CSMD1: variants seen among roughly 807,000 people sequenced by gnomAD.
The protein encoded by CSMD1 is CUB and Sushi multiple domains 1.
In CSMD1, 213 loss-of-function variants were observed where a neutral mutation model predicts 417.5. The observed-to-expected ratio is 0.51, with a 90% CI of 0.46 to 0.57. CSMD1 has a LOEUF of 0.57. Among genes scored for constraint, CSMD1 ranks in the 20% least tolerant of loss-of-function variants. CSMD1 has a pLI of 0.00. For synonymous variants in CSMD1, 2,862 were observed against 1,736.8 expected, an observed-to-expected ratio of 1.65 and a Z score of -16.11; for missense variants, 6,923 against 4,529.7, an observed-to-expected ratio of 1.53 and a Z score of -15.17.
At chr8:3,797,811 C>G (rs1000677871) in intron 5 of CSMD1, among the ~76,000 whole-genome samples, 1 of 151,936 alleles carries the variant, frequency 6.6e-6, no homozygotes, top group Non-Finnish European at 1.5e-5. Flanking sequence ...AGGTATATGT[C>G]TGACTTCATA....
chr8:4,399,269 A>C (rs973645480), intron 3 of CSMD1, among the ~76,000 whole-genome samples: 7 of 152,232 alleles, frequency 4.6e-5, no homozygotes, highest in Non-Finnish European at 7.3e-5. Flanking sequence ...CAAAAACAGC[A>C]ACAAAGGACC....
chr8:3,973,273 C>G (rs1279574853), intron 5 of CSMD1, among the ~76,000 whole-genome samples: 1 of 152,132 alleles, frequency 6.6e-6, no homozygotes, highest in Non-Finnish European at 1.5e-5. Context: ...GGTCATGAGC[C>G]TCTTTAGGGT....
intron 12 of CSMD1, among the ~76,000 whole-genome samples, chr8:3,451,978 CTCTTT>C (rs200110274): frequency 0.094 from 14,296 of 152,184 alleles, 767 homozygotes; most frequent in African/African-American, 0.14. Context: ...TGTTTGTCTC[CTCTTT>C]TATTTCATTG....
At chr8:3,979,861 T>C (rs1290659771) in intron 5 of CSMD1, among the ~76,000 whole-genome samples, 1 of 152,200 alleles carries the variant, frequency 6.6e-6, no homozygotes, top group Non-Finnish European at 1.5e-5. Context: ...CAGAGCTATT[T>C]ATACTGTAGA....
intron 7 of CSMD1, among the ~76,000 whole-genome samples, chr8:3,661,705 C>T (rs1358828027): frequency 1.3e-5 from 2 of 152,142 alleles, no homozygotes; most frequent in South Asian, 2.1e-4. Flanking sequence ...CCATGTTGGT[C>T]AGGCTAGTCT....
chr8:4,952,443 G>A (rs770276790), intron 1 of CSMD1, among the ~76,000 whole-genome samples: 3 of 151,866 alleles, frequency 2.0e-5, no homozygotes, highest in South Asian at 4.1e-4. Context: ...CATACTTACT[G>A]GATTTCAATT....
intron 2 of CSMD1, among the ~76,000 whole-genome samples, chr8:4,448,521 C>G (rs377421709): frequency 1.3e-5 from 2 of 152,174 alleles, no homozygotes; most frequent in South Asian, 2.1e-4. Context: ...CAGATTAGTA[C>G]ATAAGTTTAC....
At chr8:4,048,276 C>G (rs1188960064) in intron 3 of CSMD1, among the ~76,000 whole-genome samples, 1 of 152,130 alleles carries the variant, frequency 6.6e-6, no homozygotes, top group Non-Finnish European at 1.5e-5. Context: ...CATTTTTACA[C>G]TAATTATGAG....
chr8:4,243,589 G>C (rs896164467), intron 3 of CSMD1, among the ~76,000 whole-genome samples: 1 of 152,154 alleles, frequency 6.6e-6, no homozygotes, highest in East Asian at 1.9e-4. Flanking sequence ...TGCAAGGAGA[G>C]ATGTCTCCAT....
chr8:3,258,844 G>A (rs1188861449), intron 26 of CSMD1, among the ~76,000 whole-genome samples: 1 of 152,200 alleles, frequency 6.6e-6, no homozygotes, highest in African/African-American at 2.4e-5. Flanking sequence ...TGCAGGAAGA[G>A]AAAACCAAAT....
intron 5 of CSMD1, among the ~76,000 whole-genome samples, chr8:3,943,992 C>G (rs1231862575): frequency 6.6e-6 from 1 of 152,080 alleles, no homozygotes; most frequent in African/African-American, 2.4e-5. Flanking sequence ...GATATTAAAT[C>G]AGAGTTAATA....
chr8:4,045,199 G>C (rs1798088186), intron 3 of CSMD1, among the ~76,000 whole-genome samples: 1 of 152,128 alleles, frequency 6.6e-6, no homozygotes, highest in Admixed American at 6.5e-5. Context: ...TCATCTCTGA[G>C]GAACCCACAA....
intron 2 of CSMD1, among the ~76,000 whole-genome samples, chr8:4,570,883 A>G (rs1798861621): frequency 6.6e-6 from 1 of 152,070 alleles, no homozygotes; most frequent in Admixed American, 6.5e-5. Context: ...GAGTATGTGT[A>G]CCCAGGAATT....
intron 12 of CSMD1, among the ~76,000 whole-genome samples, chr8:3,467,894 A>G (rs940122513): frequency 6.6e-6 from 1 of 152,240 alleles, no homozygotes; most frequent in African/African-American, 2.4e-5. Context: ...GGAAATAAGA[A>G]CATACTGCCT....
At chr8:3,915,235 G>C (rs189499989) in intron 5 of CSMD1, among the ~76,000 whole-genome samples, 1 of 151,780 alleles carries the variant, frequency 6.6e-6, no homozygotes, top group East Asian at 1.9e-4. Flanking sequence ...ACGAAACTCT[G>C]CCTCTACCAA....
At chr8:4,481,961 T>C (rs1165623467) in intron 2 of CSMD1, among the ~76,000 whole-genome samples, 2 of 152,138 alleles carry the variant, frequency 1.3e-5, no homozygotes, top group East Asian at 3.9e-4. Context: ...GATCCATTAC[T>C]CTTAGCTGCT....
intron 65 of CSMD1, 145 bp from the exon 66 acceptor site, chr8:2,951,420 C>T: frequency 1.3e-6 from 1 of 783,776 alleles, no homozygotes; most frequent in Non-Finnish European, 1.9e-6. Flanking sequence ...TAGTGCATCG[C>T]TGTTCACAGC....
In CSMD1 at chr8:4,795,311, G is replaced by A. The variant is rs533155831; in HGVS notation, c.86-157753C>T. ...TTTTGAGATGGAGTCCTGCTCTGTCGCCTAGGCTGGAGTGCAGTGACACGA... is the reference window on the plus strand; with the variant it reads ...TTTTGAGATGGAGTCCTGCTCTGTCACCTAGGCTGGAGTGCAGTGACACGA... On this transcript the variant is annotated intron_variant, in intron 1 of 69. Coordinates refer to ENST00000635120, the MANE Select transcript of CSMD1 (RefSeq NM_033225.6). Among the ~76,000 whole-genome samples, 11 of 111,498 alleles carry A rather than the reference G, an allele frequency of 9.9e-5. No homozygotes were observed. The South Asian group carries it at 2.7e-3, about 28-fold the overall frequency. The allele number at this position is 111,498 out of a possible 152,430, so 73.1% of individuals were successfully genotyped here.
chr8:3,162,035 T>C (rs888223599), intron 38 of CSMD1, 124 bp downstream of exon 38: 20 of 631,278 alleles, frequency 3.2e-5, no homozygotes, highest in Admixed American at 1.3e-4. Context: ...TGATTTAATA[T>C]GAATAGTATG....
Sources: allele counts gnomAD v4.1 joint callset (sites outside exome capture counted in the v4.1 genomes callset), GRCh38; gene constraint gnomAD v4.1.1; transcripts MANE v1.5; gene names NCBI Gene and HGNC (gene_info 2026-07-23, HGNC 2026-07-21).